AGBL4: variants seen among roughly 807,000 people sequenced by gnomAD.
The protein encoded by AGBL4 is AGBL carboxypeptidase 4.
In AGBL4, 58 loss-of-function variants were observed where a neutral mutation model predicts 66.4. That is an observed-to-expected ratio of 0.87 (90% CI 0.71 to 1.09). The LOEUF is 1.09. Among genes scored for constraint, AGBL4 ranks in the 50% least tolerant of loss-of-function variants. AGBL4 has a pLI of 0.00. For synonymous variants in AGBL4, 234 were observed against 222.9 expected (o/e 1.05, Z -0.44); for missense variants, 579 against 631.0 (o/e 0.92, Z 0.88).
chr1:48,833,703 G>A (rs1214501527), intron 6 of AGBL4, among the ~76,000 whole-genome samples: 1 of 152,164 alleles, frequency 6.6e-6, no homozygotes, highest in Non-Finnish European at 1.5e-5. Flanking sequence ...GATTATACCA[G>A]GGGAAACACT....
chr1:48,908,335 A>G (rs1343422), intron 5 of AGBL4, among the ~76,000 whole-genome samples: 14,006 of 152,262 alleles, frequency 0.092, 730 homozygotes, highest in Non-Finnish European at 0.11. Context: ...TTCGGGGAAA[A>G]AAAAAGATAC....
At chr1:49,434,837 G>A (rs911921441) in intron 3 of AGBL4, among the ~76,000 whole-genome samples, 7 of 152,072 alleles carry the variant, frequency 4.6e-5, no homozygotes, top group African/African-American at 1.7e-4. Context: ...AGAACAAAAT[G>A]AGGCACAAAG....
At chr1:48,656,997 G>T (rs1646031355) in intron 7 of AGBL4, among the ~76,000 whole-genome samples, 1 of 152,166 alleles carries the variant, frequency 6.6e-6, no homozygotes, top group African/African-American at 2.4e-5. Flanking sequence ...AAAGAAAGGA[G>T]TGCCAGCGGA....
chr1:49,853,435 C>T (rs144814611), intron 1 of AGBL4, among the ~76,000 whole-genome samples: 132 of 152,100 alleles, frequency 8.7e-4, no homozygotes, highest in African/African-American at 3.1e-3. Context: ...ATATTCTAAA[C>T]ATAAATGCAA....
chr1:49,640,209 A>G (rs1407093611), intron 3 of AGBL4, among the ~76,000 whole-genome samples: 3 of 152,184 alleles, frequency 2.0e-5, no homozygotes, highest in Admixed American at 6.5e-5. Flanking sequence ...TCATTAGACA[A>G]CTTACTTTGA....
intron 3 of AGBL4, among the ~76,000 whole-genome samples, chr1:49,676,055 C>A (rs1197272754): frequency 6.6e-6 from 1 of 151,916 alleles, no homozygotes; most frequent in African/African-American, 2.4e-5. Flanking sequence ...CATAATAATC[C>A]TAAGGGGTAA....
chr1:49,392,879 T>C (rs1259788462), intron 3 of AGBL4, among the ~76,000 whole-genome samples: 1 of 152,236 alleles, frequency 6.6e-6, no homozygotes, highest in African/African-American at 2.4e-5. Flanking sequence ...ATATATGATT[T>C]TGTAATCATA....
chr1:49,864,816 T>G (rs1233735324), intron 1 of AGBL4, among the ~76,000 whole-genome samples: 1 of 152,088 alleles, frequency 6.6e-6, no homozygotes, highest in East Asian at 1.9e-4. Flanking sequence ...GCTGCCTGCT[T>G]GCTGTCATCA....
intron 2 of AGBL4, 111 bp from the exon 3 acceptor site, chr1:49,697,548 C>A: frequency 1.1e-6 from 1 of 895,690 alleles, no homozygotes; most frequent in East Asian, 2.8e-5. Flanking sequence ...ACATTCAGTA[C>A]TTGAAGGTTC....
intron 4 of AGBL4, among the ~76,000 whole-genome samples, chr1:49,054,915 T>C (rs1644283826): frequency 6.6e-6 from 1 of 152,044 alleles, no homozygotes; most frequent in African/African-American, 2.4e-5. Context: ...TTTAATCAAA[T>C]ATTCAATAAA....
At chr1:49,494,118 T>G (rs1364411708) in intron 3 of AGBL4, among the ~76,000 whole-genome samples, 2 of 151,966 alleles carry the variant, frequency 1.3e-5, no homozygotes, top group East Asian at 3.9e-4. Flanking sequence ...GGAGTTAATT[T>G]TCTCATAACC....
chr1:48,992,313 C>A (rs180961100), intron 5 of AGBL4, among the ~76,000 whole-genome samples: 1 of 151,826 alleles, frequency 6.6e-6, no homozygotes. Context: ...GATTACCAGA[C>A]GGAGACTCTT....
chr1:49,819,844 G>C (rs979062238), intron 2 of AGBL4, among the ~76,000 whole-genome samples: 1 of 152,174 alleles, frequency 6.6e-6, no homozygotes. Context: ...AGAAAGAGCA[G>C]AGTTCCATTG....
chr1:49,911,852 T>C (rs1452192574), intron 1 of AGBL4, among the ~76,000 whole-genome samples: 2 of 152,186 alleles, frequency 1.3e-5, no homozygotes, highest in African/African-American at 2.4e-5. Context: ...CCCCCTTACA[T>C]TGGTCTTGGC....
In AGBL4 at chr1:48,928,362, G is replaced by A. The variant is rs75209379; in HGVS notation, c.595-61132C>T. 3.9e-3 allele frequency among the ~76,000 whole-genome samples: 596 copies of A among 152,252 alleles called. 1 individual carries two copies. Among genetic ancestry groups the A allele is most frequent in the African/African-American group, 0.013 (554 of 41,548 alleles). On this transcript the variant is annotated intron_variant, in intron 5 of 13. Coordinates refer to ENST00000371839, the MANE Select transcript of AGBL4 (RefSeq NM_032785.4). The stretch of plus-strand genomic sequence containing the variant: ...CTGTGAGACAGAATCTGACTGTTCT[G>A]GGCTCTCCCCCCAATTTTAGTATGT...
intron 1 of AGBL4, among the ~76,000 whole-genome samples, chr1:49,912,696 T>G (rs1179877079): frequency 1.3e-5 from 2 of 152,198 alleles, no homozygotes; most frequent in Non-Finnish European, 2.9e-5. Flanking sequence ...TTAGTTTATC[T>G]TCTTCTGCTA....
chr1:49,446,766 A>G (rs1646166397), intron 3 of AGBL4, among the ~76,000 whole-genome samples: 2 of 152,182 alleles, frequency 1.3e-5, no homozygotes, highest in Non-Finnish European at 2.9e-5. Flanking sequence ...AGGAAATAAA[A>G]TGACTAAACT....
chr1:49,320,208 G>A (rs1459562526), intron 3 of AGBL4, among the ~76,000 whole-genome samples: 1 of 152,070 alleles, frequency 6.6e-6, no homozygotes, highest in African/African-American at 2.4e-5. Context: ...TGGGATTAGA[G>A]GTGTGAGCCA....
chr1:49,198,371 T>C (rs2148223552), intron 4 of AGBL4, among the ~76,000 whole-genome samples: 1 of 152,302 alleles, frequency 6.6e-6, no homozygotes, highest in South Asian at 2.1e-4. Context: ...AATGGAGTCT[T>C]GCTTTGTAGC....
Sources: gnomAD v4.1 joint callset for allele counts (sites outside exome capture counted in the v4.1 genomes callset) on GRCh38, gnomAD v4.1.1 for gene constraint, MANE v1.5 for transcripts, NCBI Gene and HGNC (gene_info 2026-07-23, HGNC 2026-07-21) for gene names.